The following MANBA variants were observed in gnomAD, a reference collection of about 807,000 sequenced individuals.
MANBA encodes the protein beta-mannosidase.
In MANBA, 83 loss-of-function variants were observed where a neutral mutation model predicts 111.1. The observed-to-expected ratio is 0.75, with a 90% CI of 0.63 to 0.90. The LOEUF is 0.90. MANBA is among the 40% of genes least tolerant of loss of function. The pLI is 0.00. For synonymous variants in MANBA, 370 were observed against 378.7 expected, an observed-to-expected ratio of 0.98 and a Z score of 0.27; for missense variants, 1,036 against 1,069.0, an observed-to-expected ratio of 0.97 and a Z score of 0.43.
At chr4:102,663,956 G>A (rs1405491821) in intron 11 of MANBA, among the ~76,000 whole-genome samples, 1 of 152,190 alleles carries the variant, frequency 6.6e-6, no homozygotes, top group Non-Finnish European at 1.5e-5. Context: ...TTGGAGACCA[G>A]CTCTCTCATC....
intron 7 of MANBA, among the ~76,000 whole-genome samples, chr4:102,684,971 G>C (rs908731736): frequency 6.6e-5 from 10 of 152,120 alleles, no homozygotes; most frequent in Non-Finnish European, 1.5e-4. Flanking sequence ...CAGATAAGGA[G>C]GCACTACTGT....
chr4:102,706,340 C>A (rs1207001533), intron 5 of MANBA, among the ~76,000 whole-genome samples: 1 of 152,186 alleles, frequency 6.6e-6, no homozygotes, highest in Non-Finnish European at 1.5e-5. Flanking sequence ...ATCACAAACA[C>A]CACTGATGCT....
intron 1 of MANBA, chr4:102,752,194 C>T: frequency 1.2e-6 from 1 of 819,618 alleles, no homozygotes; most frequent in Non-Finnish European, 2.2e-6. Flanking sequence ...AAGAAATCTG[C>T]AGTGCATCTT....
intron 1 of MANBA, chr4:102,728,763 C>G: frequency 1.1e-6 from 1 of 896,940 alleles, no homozygotes; most frequent in East Asian, 2.7e-5. Flanking sequence ...GGCAGGACGT[C>G]AGAGGACTAG....
At chr4:102,653,199 C>T (rs970992711) in intron 12 of MANBA, among the ~76,000 whole-genome samples, 36 of 150,656 alleles carry the variant, frequency 2.4e-4, no homozygotes, top group Admixed American at 1.6e-3. Flanking sequence ...CATAAACACA[C>T]GCGCATATGC....
At position 102,689,626 on chromosome 4, in the gene MANBA, A is replaced by T. The variant is rs1171801333; in HGVS notation, c.908T>A (p.Met303Lys). ...HGHGNQTGYN[M>K]TVLFELDGGL... ...TCCATCCAGTTCAAAAAGAACAGTC[A>T]TGTTGTACCCAGTCTGGTTTCCATG... The change falls in exon 7 of 17, where the codon ATG becomes AAG. Residue 303 changes from methionine (M) to lysine (K), a missense_variant. Physicochemically the swap from Met to Lys is moderately conservative, Grantham distance 95. Coordinates refer to ENST00000647097, the MANE Select transcript of MANBA (RefSeq NM_005908.4). The T allele has an allele frequency of 8.1e-6, 13 of 1,611,654 alleles. No individual in the cohort carries two copies. Among genetic ancestry groups the T allele is most frequent in the Non-Finnish European group, 1.1e-5 (13 of 1,178,138 alleles).
At chr4:102,698,611 G>A (rs1732853890) in intron 5 of MANBA, among the ~76,000 whole-genome samples, 2 of 150,914 alleles carry the variant, frequency 1.3e-5, no homozygotes. Context: ...TATTGAATAG[G>A]GAATCCTTTC....
chr4:102,651,259 A>G (rs1477263971), intron 12 of MANBA, among the ~76,000 whole-genome samples: 4 of 152,074 alleles, frequency 2.6e-5, no homozygotes, highest in Non-Finnish European at 5.9e-5. Flanking sequence ...ATTTTTATAT[A>G]GTTGAAGACA....
At chr4:102,665,313 G>T in intron 10 of MANBA, 1 of 191,076 alleles carries the variant, frequency 5.2e-6, no homozygotes. Flanking sequence ...AAAGAAGGAC[G>T]GAGGTTCCTA....
At chr4:102,732,670 G>A (rs1239110031) in intron 1 of MANBA, among the ~76,000 whole-genome samples, 1 of 152,194 alleles carries the variant, frequency 6.6e-6, no homozygotes, top group Non-Finnish European at 1.5e-5. Context: ...TCTGGTTAAT[G>A]GTAAGGTTTT....
At chr4:102,759,046 T>C (rs1215457318) in intron 1 of MANBA, among the ~76,000 whole-genome samples, 1 of 152,228 alleles carries the variant, frequency 6.6e-6, no homozygotes, top group Admixed American at 6.5e-5. Flanking sequence ...TAACCAAACG[T>C]TGTTTCTTAG....
rs563785837 is a variant in MANBA at position 102,677,428 on chromosome 4, A to C, written c.961-3358T>G. 7.9e-5 allele frequency among the ~76,000 whole-genome samples: 12 copies of C among 152,340 alleles called. No individual in the cohort carries two copies. The South Asian group carries it at 2.5e-3, about 32-fold the overall frequency. The stretch of plus-strand genomic sequence containing the variant: ...GTGATATTATAAAAGGAAATGTTTC[A>C]ACATTTGGAAGATCTGTAACTCTCA... On this transcript the variant is annotated intron_variant, in intron 7 of 16. Transcript: ENST00000647097.
At chr4:102,653,532 A>T (rs1435609763) in intron 12 of MANBA, among the ~76,000 whole-genome samples, 1 of 152,216 alleles carries the variant, frequency 6.6e-6, no homozygotes, top group Non-Finnish European at 1.5e-5. Context: ...CTTCTAAATA[A>T]AAGAGCCAAA....
chr4:102,737,545 C>G (rs1045233114), intron 1 of MANBA, among the ~76,000 whole-genome samples: 1 of 152,040 alleles, frequency 6.6e-6, no homozygotes, highest in African/African-American at 2.4e-5. Flanking sequence ...TGCAGTGGCA[C>G]GATCTCTGCT....
At chr4:102,747,217 T>TC (rs1266826699) in intron 1 of MANBA, among the ~76,000 whole-genome samples, 1 of 151,512 alleles carries the variant, frequency 6.6e-6, no homozygotes, top group Non-Finnish European at 1.5e-5. Context: ...GATCACAAGG[T>TC]CCCATAACAC....
rs1210795095 is a variant in MANBA at position 102,727,449 on chromosome 4, C to A, written c.178-766G>T. ...TGGTATAGGCCAATTGCACATGGGT[C>A]TCAGAGCACTCCATCTTCAAGGTCC... On this transcript the variant is annotated intron_variant, in intron 1 of 16. Transcript: ENST00000647097. The A allele has an allele frequency of 4.3e-6, 6 of 1,402,872 alleles. No homozygotes were observed. In the African/African-American group the frequency reaches 8.5e-5, roughly 20 times the overall value. The allele number at this position is 1,402,872 out of a possible 1,614,324, so 86.9% of individuals were successfully genotyped here.
intron 1 of MANBA, among the ~76,000 whole-genome samples, chr4:102,759,407 A>C (rs1315481669): frequency 6.6e-6 from 1 of 152,172 alleles, no homozygotes; most frequent in African/African-American, 2.4e-5. Flanking sequence ...ATATAAGTGA[A>C]AACTCAGAGT....
At chr4:102,759,045 G>C (rs920623250) in intron 1 of MANBA, among the ~76,000 whole-genome samples, 2 of 151,766 alleles carry the variant, frequency 1.3e-5, no homozygotes, top group East Asian at 3.9e-4. Context: ...GTAACCAAAC[G>C]TTGTTTCTTA....
In MANBA at chr4:102,716,080, C is replaced by T. The variant is rs185839640; in HGVS notation, c.550-1519G>A. Among the ~76,000 whole-genome samples, 565 of 151,898 alleles carry T rather than the reference C, an allele frequency of 3.7e-3. 3 individuals carry two copies. The highest frequency in any genetic ancestry group is 0.013 in the African/African-American group (537 of 41,434). ...ATATCAACACTTTGGGAGGCCGAGG[C>T]GGGTGGATCATCTGAGGTTGGGAGT... On this transcript the variant is annotated intron_variant, in intron 4 of 16. Transcript: ENST00000647097.
Sources: allele counts gnomAD v4.1 joint callset (sites outside exome capture counted in the v4.1 genomes callset), GRCh38; gene constraint gnomAD v4.1.1; transcripts MANE v1.5; gene names NCBI Gene and HGNC (gene_info 2026-07-23, HGNC 2026-07-21).